FSTL5: variants seen among roughly 807,000 people sequenced by gnomAD.
FSTL5 encodes the protein follistatin like 5.
In FSTL5, 62 loss-of-function variants were observed where a neutral mutation model predicts 89.1. The ratio of observed to expected loss-of-function variants is 0.70; its 90% CI spans 0.57 to 0.86. The LOEUF (loss-of-function observed/expected upper bound fraction) is 0.86, where lower values mean the gene tolerates loss of function less well. Ranked by LOEUF, FSTL5 falls within the 40% of genes least tolerant of loss-of-function variation. The pLI, the probability that FSTL5 is intolerant of heterozygous loss-of-function variation, is 0.00. For synonymous variants in FSTL5, 383 were observed against 346.2 expected, an observed-to-expected ratio of 1.11 and a Z score of -1.18; for missense variants, 1,057 against 1,001.6, an observed-to-expected ratio of 1.06 and a Z score of -0.75.
At chr4:161,522,232 A>C (rs185503349) in intron 10 of FSTL5, among the ~76,000 whole-genome samples, 4 of 152,190 alleles carry the variant, frequency 2.6e-5, no homozygotes, top group Non-Finnish European at 5.9e-5. Flanking sequence ...AAAGATGCTC[A>C]GCAGAGAAGT....
intron 15 of FSTL5, among the ~76,000 whole-genome samples, chr4:161,435,113 T>A (rs1732514419): frequency 6.6e-6 from 1 of 152,076 alleles, no homozygotes; most frequent in African/African-American, 2.4e-5. Context: ...TTTGAAGAGA[T>A]ACCTACACTC....
intron 1 of FSTL5, among the ~76,000 whole-genome samples, chr4:162,142,829 ATTAT>A (rs761160397): frequency 6.6e-6 from 1 of 152,298 alleles, no homozygotes; most frequent in South Asian, 2.1e-4. Context: ...CTTTAGTCAA[ATTAT>A]TTAGTCTTTC....
chr4:161,457,739 A>G (rs892155248), intron 14 of FSTL5, among the ~76,000 whole-genome samples: 4 of 152,106 alleles, frequency 2.6e-5, no homozygotes, highest in Non-Finnish European at 5.9e-5. Flanking sequence ...TTTCTAAAAA[A>G]TCATATATAT....
At chr4:161,911,288 G>A (rs1235606244) in intron 4 of FSTL5, among the ~76,000 whole-genome samples, 2 of 151,758 alleles carry the variant, frequency 1.3e-5, no homozygotes, top group Non-Finnish European at 2.9e-5. Flanking sequence ...ATAATTCTGA[G>A]GAAATTTGGA....
chr4:162,020,860 T>C (rs1170353003), intron 3 of FSTL5, among the ~76,000 whole-genome samples: 4 of 152,154 alleles, frequency 2.6e-5, no homozygotes, highest in African/African-American at 9.6e-5. Flanking sequence ...TCATGTACCT[T>C]GTGCTGATTG....
chr4:161,554,728 C>T (rs920233331), intron 8 of FSTL5, among the ~76,000 whole-genome samples: 3 of 151,614 alleles, frequency 2.0e-5, no homozygotes, highest in Non-Finnish European at 3.0e-5. Context: ...AAATTATTCA[C>T]ACAGCTGCAA....
chr4:161,775,957 T>C lies in FSTL5; in HGVS notation c.527A>G (p.Lys176Arg). The C allele has an allele frequency of 1.9e-6, 3 of 1,608,424 alleles. No homozygotes were observed. The highest frequency in any genetic ancestry group is 1.7e-6 in the Non-Finnish European group (2 of 1,176,918). ...ENPNGDDISR[K>R]KLLVDQMFKY... ...AAACATTTGATCCACCAATAGCTTC[T>C]TCCGAGATATGTCGTCGCCATTAGG... is the stretch of plus-strand genomic sequence containing the variant. The change falls in exon 5 of 16, where the codon AAG becomes AGG. Residue 176 changes from lysine (K) to arginine (R), a missense_variant. Lys to Arg is a conservative substitution (Grantham distance 26, BLOSUM62 2). Coordinates refer to ENST00000306100, the MANE Select transcript of FSTL5 (RefSeq NM_020116.5).
At chr4:161,966,978 A>G (rs1012128422) in intron 3 of FSTL5, among the ~76,000 whole-genome samples, 20 of 151,778 alleles carry the variant, frequency 1.3e-4, no homozygotes, top group Middle Eastern at 3.4e-3. Flanking sequence ...CAGTGAACAT[A>G]TTTTACGCAA....
At chr4:161,681,259 G>T (rs955361723) in intron 6 of FSTL5, among the ~76,000 whole-genome samples, 2 of 151,940 alleles carry the variant, frequency 1.3e-5, no homozygotes, top group African/African-American at 4.8e-5. Flanking sequence ...GTTTTGCTTT[G>T]TTTTCTCTGC....
chr4:162,149,853 C>T (rs1041346395), intron 1 of FSTL5, among the ~76,000 whole-genome samples: 124 of 152,198 alleles, frequency 8.1e-4, no homozygotes, highest in African/African-American at 2.8e-3. Flanking sequence ...TTCAGTTTGA[C>T]ATCTGTTACT....
intron 1 of FSTL5, among the ~76,000 whole-genome samples, chr4:162,147,368 G>C (rs561936737): frequency 6.6e-6 from 1 of 151,832 alleles, no homozygotes; most frequent in East Asian, 1.9e-4. Context: ...AAAAAATGTT[G>C]AACAAGTTCA....
At chr4:161,635,154 C>T (rs188735086) in intron 7 of FSTL5, among the ~76,000 whole-genome samples, 7 of 152,100 alleles carry the variant, frequency 4.6e-5, no homozygotes, top group South Asian at 4.2e-4. Flanking sequence ...TTTGGGAGGC[C>T]GAGGCAGGCA....
At chr4:161,399,710 T>C (rs1413857843) in intron 15 of FSTL5, among the ~76,000 whole-genome samples, 2 of 152,160 alleles carry the variant, frequency 1.3e-5, no homozygotes, top group African/African-American at 4.8e-5. Context: ...AGTGAGACTT[T>C]TTACTGTGAT....
At chr4:162,041,076 G>A (rs1236415977) in intron 2 of FSTL5, among the ~76,000 whole-genome samples, 1 of 151,976 alleles carries the variant, frequency 6.6e-6, no homozygotes, top group Non-Finnish European at 1.5e-5. Context: ...ATATTCAATA[G>A]TGGAATTATG....
At chr4:161,964,751 G>A in intron 3 of FSTL5, among the ~76,000 whole-genome samples, 1 of 151,980 alleles carries the variant, frequency 6.6e-6, no homozygotes, top group East Asian at 1.9e-4. Flanking sequence ...CTAGGACGCA[G>A]CATGATAGTA....
intron 2 of FSTL5, among the ~76,000 whole-genome samples, chr4:162,072,352 T>TG (rs1729661205): frequency 6.6e-6 from 1 of 151,820 alleles, no homozygotes; most frequent in Non-Finnish European, 1.5e-5. Context: ...TCTCATTTTG[T>TG]TATTCTTCCA....
intron 11 of FSTL5, among the ~76,000 whole-genome samples, chr4:161,501,360 T>C (rs1357348535): frequency 6.6e-6 from 1 of 152,116 alleles, no homozygotes; most frequent in African/African-American, 2.4e-5. Context: ...TCATATTTAA[T>C]CTTACATCTT....
At chr4:161,527,797 A>G (rs1315856844) in intron 10 of FSTL5, among the ~76,000 whole-genome samples, 4 of 151,506 alleles carry the variant, frequency 2.6e-5, no homozygotes, top group African/African-American at 7.3e-5. Flanking sequence ...ATTACTGGGT[A>G]TATACCCAAA....
rs138971126 is a variant in FSTL5, at chr4:162,057,196, C to T, written c.127-23538G>A. 2.6e-5 allele frequency among the ~76,000 whole-genome samples: 4 copies of T among 152,284 alleles called. No homozygotes were observed. The East Asian group carries it at 7.7e-4, about 29-fold the overall frequency. ...CTATTTTTATCTAATCTTTAAATTC[C>T]AGGAACCTCATTTCACTAAATCATA... On this transcript the variant is annotated intron_variant, in intron 2 of 15. Coordinates refer to ENST00000306100, the MANE Select transcript of FSTL5 (RefSeq NM_020116.5).
Sources: allele counts gnomAD v4.1 joint callset (sites outside exome capture counted in the v4.1 genomes callset), GRCh38; gene constraint gnomAD v4.1.1; transcripts MANE v1.5; gene names NCBI Gene and HGNC (gene_info 2026-07-23, HGNC 2026-07-21).